TGM6: variants seen among roughly 807,000 people sequenced by gnomAD.
TGM6 encodes protein-glutamine gamma-glutamyltransferase 6.
In TGM6, 74 loss-of-function variants were observed where a neutral mutation model predicts 77.5. That is an observed-to-expected ratio of 0.96 (90% CI 0.79 to 1.16). TGM6 has a LOEUF of 1.16. Ranked by LOEUF, TGM6 falls within the 50% of genes most tolerant of loss-of-function variation. The pLI is 0.00. For missense variants in TGM6, 968 were observed against 940.2 expected (o/e 1.03, Z -0.39); for synonymous variants, 383 against 378.9 (o/e 1.01, Z -0.12).
intron 6 of TGM6, 72 bp from the exon 7 acceptor site, chr20:2,400,234 G>A (rs939180397): frequency 1.4e-5 from 22 of 1,605,186 alleles, no homozygotes; most frequent in Middle Eastern, 1.7e-4. Flanking sequence ...GAGCCAGGGC[G>A]CCTGCTGTGG....
chr20:2,400,496 G>C lies in TGM6; in HGVS notation c.989+52G>C, dbSNP rs544808894. Reference sequence around the variant, plus strand: ...GAGGGCTCTGGAAGCCCAGCAGGTGGAGCAAGGCCTCATCTTCCATAACAC... The same window carrying C: ...GAGGGCTCTGGAAGCCCAGCAGGTGCAGCAAGGCCTCATCTTCCATAACAC... On this transcript the variant is annotated intron_variant, in intron 7 of 12. Transcript: ENST00000202625. 1.8e-4 allele frequency: 286 copies of C among 1,612,330 alleles called. 2 individuals are homozygous for C. The highest frequency in any genetic ancestry group is 9.1e-4 in the South Asian group (83 of 90,992).
At chr20:2,420,099 G>A (rs1267307436) in intron 10 of TGM6, among the ~76,000 whole-genome samples, 1 of 152,116 alleles carries the variant, frequency 6.6e-6, no homozygotes, top group African/African-American at 2.4e-5. Flanking sequence ...AAAAAAATTA[G>A]CCGGGCGTGG....
Position 2,380,977 on chromosome 20 carries a change from T to C in TGM6, c.7+2T>C, listed in dbSNP as rs1206259472. 3.7e-6 allele frequency: 6 copies of C among 1,608,322 alleles called. No individual in the cohort carries two copies. The highest frequency in any genetic ancestry group is 5.1e-6 in the Non-Finnish European group (6 of 1,178,552). On this transcript the variant is annotated splice_donor_variant, in intron 1 of 12. Transcript: ENST00000202625. LOFTEE classifies it high-confidence loss of function. ...GTCCAGCTGGCCTTCACATGGCAGG[T>C]AAGTGGGCAGAGCCTGGGGCCTTGG...
At chr20:2,432,088 G>A (rs898124028) in intron 12 of TGM6, among the ~76,000 whole-genome samples, 1 of 152,102 alleles carries the variant, frequency 6.6e-6, no homozygotes, top group Non-Finnish European at 1.5e-5. Flanking sequence ...TCACTCTGTT[G>A]CCCCAGCTGG....
At chr20:2,384,386 C>G (rs1311974363) in intron 1 of TGM6, among the ~76,000 whole-genome samples, 1 of 152,194 alleles carries the variant, frequency 6.6e-6, no homozygotes, top group Non-Finnish European at 1.5e-5. Context: ...ATCGGATCCT[C>G]AGATCCAGGG....
chr20:2,397,946 T>A lies in TGM6; in HGVS notation c.572T>A (p.Leu191His), dbSNP rs769838027. Reference protein sequence around the residue: ...QFEEDILNICLSILDRSPGHQ... With the variant: ...QFEEDILNICHSILDRSPGHQ... ...GAGGAGGACATCCTGAACATCTGCC[T>A]CTCCATCCTGGATCGAAGCCCCGGT... Residue 191 changes from leucine (L) to histidine (H), a missense_variant, in exon 5 of 13, where the codon CTC (leucine) becomes CAC (histidine). Leu to His is a moderately conservative substitution (Grantham distance 99). Coordinates refer to ENST00000202625, the MANE Select transcript of TGM6 (RefSeq NM_198994.3). 6.2e-7 allele frequency: 1 copy of A among 1,614,014 alleles called. No individual in the cohort carries two copies. Among genetic ancestry groups the A allele is most frequent in the South Asian group, 1.1e-5 (1 of 91,074 alleles).
intron 8 of TGM6, 25 bp from the exon 9 acceptor site, chr20:2,403,556 G>A (rs1352273205): frequency 1.9e-6 from 3 of 1,614,026 alleles, no homozygotes; most frequent in South Asian, 2.2e-5. Flanking sequence ...TACCCATGCT[G>A]CTCATGCCCA....
intron 1 of TGM6, among the ~76,000 whole-genome samples, chr20:2,388,035 G>A (rs929157258): frequency 1.3e-5 from 2 of 152,182 alleles, no homozygotes; most frequent in Non-Finnish European, 2.9e-5. Context: ...GAAAGAAGCT[G>A]TATTAACTTT....
At chr20:2,432,404 G>A in intron 12 of TGM6, 86 bp from the exon 13 acceptor site, 1 of 1,543,764 alleles carries the variant, frequency 6.5e-7, no homozygotes, top group Non-Finnish European at 8.9e-7. Context: ...TGATCCTGAG[G>A]AGCCTGGGGA....
At chr20:2,394,336 T>C in intron 1 of TGM6, 116 bp from the exon 2 acceptor site, 1 of 1,214,056 alleles carries the variant, frequency 8.2e-7, no homozygotes. Context: ...CGCCGGTATA[T>C]GATAAATAGC....
chr20:2,392,478 G>A (rs1018138832), intron 1 of TGM6, among the ~76,000 whole-genome samples: 5 of 152,192 alleles, frequency 3.3e-5, no homozygotes, highest in African/African-American at 1.2e-4. Context: ...ACCTACTTAG[G>A]TGTCACCCCT....
At chr20:2,404,093 C>T (rs568902710) in intron 9 of TGM6, among the ~76,000 whole-genome samples, 1 of 152,342 alleles carries the variant, frequency 6.6e-6, no homozygotes, top group South Asian at 2.1e-4. Context: ...TGCCATATAC[C>T]AGGCACTGCA....
At position 2,417,499 on chromosome 20, in the gene TGM6, C is replaced by T. The variant is rs769520364; in HGVS notation, c.1604C>T (p.Thr535Ile). The T allele has an allele frequency of 6.2e-7, 1 of 1,608,370 alleles. No homozygotes were observed. Among genetic ancestry groups the T allele is most frequent in the Admixed American group, 1.7e-5 (1 of 59,998 alleles). The change falls in exon 10 of 13, where the codon ACC (threonine) becomes ATC (isoleucine). Residue 535 changes from threonine (T) to isoleucine (I), a missense_variant. Physicochemically the swap from Thr to Ile is moderately conservative, Grantham distance 89 (BLOSUM62 -1). Coordinates refer to ENST00000202625, the MANE Select transcript of TGM6 (RefSeq NM_198994.3). ...GTGAGGGTCAACCTGAGCGGTGCCA[C>T]CATCCTCTATACCCGCAAGCCAGTG... ...QRVRVNLSGA[T>I]ILYTRKPVAE...
intron 9 of TGM6, among the ~76,000 whole-genome samples, chr20:2,408,265 C>G (rs2084764778): frequency 6.6e-6 from 1 of 152,152 alleles, no homozygotes; most frequent in African/African-American, 2.4e-5. Context: ...CATGCTAGAG[C>G]TAGAGCACAA....
intron 1 of TGM6, among the ~76,000 whole-genome samples, chr20:2,384,658 G>C (rs897576131): frequency 6.6e-5 from 10 of 152,194 alleles, no homozygotes; most frequent in African/African-American, 1.9e-4. Context: ...CACAGCCAAC[G>C]AGGGGCAAAG....
Position 2,416,939 on chromosome 20 carries a change from G to GA in TGM6, c.1337-285dup, listed in dbSNP as rs2084820290. 2.6e-5 allele frequency among the ~76,000 whole-genome samples: 4 copies of GA among 151,840 alleles called. No homozygotes were observed. The South Asian group carries it at 6.2e-4, about 24-fold the overall frequency. On this transcript the variant is annotated intron_variant, in intron 9 of 12. Coordinates refer to ENST00000202625, the MANE Select transcript of TGM6 (RefSeq NM_198994.3). ...TAATACCTCTGTAGTACCTCCTAGA[G>GA]AAAAAAAATATAGCACCAAGTGCTA...
chr20:2,394,510 C>T lies in TGM6; in HGVS notation c.66C>T (p.Thr22=). Residue 22 remains threonine (T), a synonymous_variant, in exon 2 of 13, where the codon ACC becomes ACT. Coordinates refer to ENST00000202625, the MANE Select transcript of TGM6 (RefSeq NM_198994.3). ...QRSRNGAAHH[T]QEYPCPELVV... ...CGAGGAATGGCGCTGCCCACCACAC[C>T]CAGGAGTACCCCTGCCCTGAGCTGG... The T allele has an allele frequency of 6.2e-7, 1 of 1,611,740 alleles. No individual in the cohort carries two copies. Among genetic ancestry groups the T allele is most frequent in the Non-Finnish European group, 8.5e-7 (1 of 1,179,840 alleles).
At chr20:2,430,312 A>G (rs1273256433) in intron 10 of TGM6, 134 bp from the exon 11 acceptor site, 7 of 1,247,932 alleles carry the variant, frequency 5.6e-6, no homozygotes, top group Non-Finnish European at 8.1e-6. Context: ...GAACCGAGGA[A>G]AATAAAGCCT....
chr20:2,417,843 T>A (rs961591049), intron 10 of TGM6, among the ~76,000 whole-genome samples: 2 of 152,188 alleles, frequency 1.3e-5, no homozygotes, highest in Admixed American at 1.3e-4. Context: ...TCTATTTTTT[T>A]AATTAGAATG....
Sources: gnomAD v4.1 joint callset for allele counts (sites outside exome capture counted in the v4.1 genomes callset) on GRCh38, gnomAD v4.1.1 for gene constraint, MANE v1.5 for transcripts, NCBI Gene and HGNC (gene_info 2026-07-23, HGNC 2026-07-21) for gene names.